Variants in ULK2 observed in about 807,000 individuals in gnomAD.
ULK2 encodes serine/threonine-protein kinase ULK2.
Under a neutral mutation model 127.5 loss-of-function variants are expected in ULK2, and 76 were observed. The ratio of observed to expected loss-of-function variants is 0.60; its 90% CI spans 0.50 to 0.72. The LOEUF is 0.72. Among genes scored for constraint, ULK2 ranks in the 30% least tolerant of loss-of-function variants. The probability of loss-of-function intolerance (pLI) is 0.00; values close to 1 mark genes in which losing one functional copy is unlikely to be tolerated. For synonymous variants in ULK2, 452 were observed against 461.9 expected (o/e 0.98, Z 0.28); for missense variants, 1,144 against 1,295.9 (o/e 0.88, Z 1.80).
At chr17:19,821,524 C>T (rs2041144768) in intron 12 of ULK2, among the ~76,000 whole-genome samples, 2 of 152,004 alleles carry the variant, frequency 1.3e-5, no homozygotes, top group South Asian at 4.2e-4. Context: ...CTGTGTATCT[C>T]AAGCCTCTGT....
intron 3 of ULK2, among the ~76,000 whole-genome samples, chr17:19,864,568 T>C (rs1034056427): frequency 1.3e-5 from 2 of 152,126 alleles, no homozygotes; most frequent in African/African-American, 4.8e-5. Context: ...CCTAAAACAA[T>C]GCTACACCTA....
intron 19 of ULK2, 114 bp from the exon 20 acceptor site, chr17:19,795,839 G>T: frequency 1.9e-6 from 2 of 1,052,060 alleles, no homozygotes; most frequent in Non-Finnish European, 1.4e-6. Flanking sequence ...ACAATTCAGG[G>T]TAGAGATAAA....
chr17:19,843,251 C>T lies in ULK2; in HGVS notation c.544-29G>A, dbSNP rs764582960. 3.5e-6 allele frequency: 5 copies of T among 1,433,026 alleles called. No individual in the cohort carries two copies. The East Asian group carries it at 7.3e-5, about 21-fold the overall frequency. The allele number at this position is 1,433,026 out of a possible 1,614,324, so 88.8% of individuals were successfully genotyped here. A position where few individuals can be genotyped will look rare whatever the true frequency, so the allele number is the denominator to read the frequency against. On this transcript the variant is annotated intron_variant, in intron 7 of 26. Coordinates refer to ENST00000395544, the MANE Select transcript of ULK2 (RefSeq NM_014683.4). ...GGAACAGAAAAATTTAAGGGGCATG[C>T]CGTACGTTATTTACATAATTAATAT...
At chr17:19,777,771 T>G (rs1261900751) in intron 25 of ULK2, 55 bp from the exon 26 acceptor site, 1 of 1,565,624 alleles carries the variant, frequency 6.4e-7, no homozygotes, top group Non-Finnish European at 8.6e-7. Flanking sequence ...AAAATACAAA[T>G]CCATTTGGGC....
intron 23 of ULK2, among the ~76,000 whole-genome samples, chr17:19,781,329 C>A (rs1413295191): frequency 6.7e-6 from 1 of 149,220 alleles, no homozygotes; most frequent in East Asian, 2.0e-4. Context: ...GCAGCCTCTA[C>A]TTCCTGGGCT....
At chr17:19,829,552 G>GGGGC (rs1187727876) in intron 10 of ULK2, among the ~76,000 whole-genome samples, 1 of 140,778 alleles carries the variant, frequency 7.1e-6, no homozygotes, top group Non-Finnish European at 1.6e-5. Flanking sequence ...AAAAAAAGGG[G>GGGGC]GGGGGCTGGG....
chr17:19,816,579 T>C (rs998059959), intron 13 of ULK2, 170 bp downstream of exon 13: 17 of 546,706 alleles, frequency 3.1e-5, no homozygotes, highest in Non-Finnish European at 4.2e-5. Context: ...AGAAGATGAT[T>C]GAGCAAATTT....
At chr17:19,864,026 G>T (rs909026551) in intron 3 of ULK2, among the ~76,000 whole-genome samples, 1 of 152,064 alleles carries the variant, frequency 6.6e-6, no homozygotes, top group Non-Finnish European at 1.5e-5. Context: ...CACTATGTAG[G>T]CCATGTGTGG....
Position 19,773,107 on chromosome 17 carries a change from T to A in ULK2, c.*3242A>T, listed in dbSNP as rs1299589517. ...GCCTGACCAACATGGTGAAACCCCA[T>A]CTCCACTAAAAATACGAAAAATAGC... On this transcript the variant is annotated 3_prime_UTR_variant, in exon 27 of 27. Coordinates refer to ENST00000395544, the MANE Select transcript of ULK2 (RefSeq NM_014683.4). The A allele has an allele frequency of 3.3e-5, 5 of 152,152 alleles. No individual in the cohort carries two copies. Among genetic ancestry groups the A allele is most frequent in the African/African-American group, 1.2e-4 (5 of 41,386 alleles). 9.4% of individuals were successfully genotyped at this position (152,152 alleles called of 1,614,324 possible).
At position 19,771,897 on chromosome 17, in the gene ULK2, G is replaced by A. The variant is rs1279420095; in HGVS notation, c.*4452C>T. 1.3e-5 allele frequency: 2 copies of A among 152,296 alleles called. No homozygotes were observed. Among genetic ancestry groups the A allele is most frequent in the Admixed American group, 1.3e-4 (2 of 15,290 alleles). 9.4% of individuals were successfully genotyped at this position (152,296 alleles called of 1,614,324 possible). A position where few individuals can be genotyped will look rare whatever the true frequency, so the allele number is the denominator to read the frequency against. Reference sequence around the variant, plus strand: ...AAGCTAACTGTCCAAGAGCACGACTGTCTTGGGACAGGAGATCATGCTGCA... The same window carrying A: ...AAGCTAACTGTCCAAGAGCACGACTATCTTGGGACAGGAGATCATGCTGCA... On this transcript the variant is annotated 3_prime_UTR_variant, in exon 27 of 27. Coordinates refer to ENST00000395544, the MANE Select transcript of ULK2 (RefSeq NM_014683.4).
chr17:19,784,587 G>A (rs1265154717), intron 21 of ULK2, among the ~76,000 whole-genome samples: 1 of 122,228 alleles, frequency 8.2e-6, no homozygotes, highest in African/African-American at 3.1e-5. Flanking sequence ...GCAGTGGCGT[G>A]ATCACAGCTC....
rs149812750 is a variant in ULK2 at position 19,835,080 on chromosome 17, C to T, written c.787+3421G>A. On this transcript the variant is annotated intron_variant, in intron 10 of 26. Transcript: ENST00000395544. ...TAAGACAACAGCACAAAGGGAAGAG[C>T]GAATGGAGCCATATTAAGGGAACAA... Among the ~76,000 whole-genome samples the T allele has an allele frequency of 5.8e-3, 879 of 151,862 alleles. 15 individuals carry two copies. Among genetic ancestry groups the T allele is most frequent in the African/African-American group, 0.018 (762 of 41,428 alleles).
chr17:19,821,399 GTTTT>G (rs1188633093), intron 12 of ULK2, among the ~76,000 whole-genome samples: 1 of 132,688 alleles, frequency 7.5e-6, no homozygotes, highest in Admixed American at 8.1e-5. Flanking sequence ...GTGATTTGGA[GTTTT>G]TTTATTGTTT....
intron 10 of ULK2, among the ~76,000 whole-genome samples, chr17:19,837,197 C>T (rs1446230672): frequency 7.2e-5 from 11 of 152,022 alleles, no homozygotes; most frequent in African/African-American, 2.2e-4. Flanking sequence ...GTGGGTAGAT[C>T]GCTTGAGCCC....
At chr17:19,837,521 G>T (rs543217711) in intron 10 of ULK2, among the ~76,000 whole-genome samples, 2 of 152,146 alleles carry the variant, frequency 1.3e-5, no homozygotes, top group Non-Finnish European at 2.9e-5. Context: ...TTCTGACATC[G>T]ACACTTAGAT....
In ULK2 at chr17:19,799,270, A is replaced by C. The variant is rs777053916; in HGVS notation, c.1522+225T>G. ...AAAATAACCAAAACTTAGCCAAGTT[A>C]TTTAATTTCTAAGACTTATTTTCAT... On this transcript the variant is annotated intron_variant, in intron 17 of 26. Coordinates refer to ENST00000395544, the MANE Select transcript of ULK2 (RefSeq NM_014683.4). 1.5e-4 allele frequency among the ~76,000 whole-genome samples: 23 copies of C among 152,128 alleles called. 1 individual carries two copies. Among genetic ancestry groups the C allele is most frequent in the Non-Finnish European group, 2.8e-4 (19 of 68,014 alleles).
chr17:19,813,960 T>TG (rs1002513426), intron 13 of ULK2, among the ~76,000 whole-genome samples: 2 of 152,074 alleles, frequency 1.3e-5, no homozygotes, highest in African/African-American at 2.4e-5. Flanking sequence ...AAACTATATG[T>TG]GGGGGGAAAG....
chr17:19,782,975 T>C (rs1756398428), intron 22 of ULK2, among the ~76,000 whole-genome samples: 1 of 152,026 alleles, frequency 6.6e-6, no homozygotes, highest in Non-Finnish European at 1.5e-5. Context: ...TTCTAGATTG[T>C]TGTTTTGAGA....
chr17:19,851,205 T>TAATCCCAG (rs958144321), intron 3 of ULK2, among the ~76,000 whole-genome samples: 1 of 146,432 alleles, frequency 6.8e-6, no homozygotes, highest in African/African-American at 2.5e-5. Flanking sequence ...CGGGCACCTG[T>TAATCCCAG]AATCCCAGCT....
Sources: gnomAD v4.1 joint callset for allele counts (sites outside exome capture counted in the v4.1 genomes callset) on GRCh38, gnomAD v4.1.1 for gene constraint, MANE v1.5 for transcripts, NCBI Gene and HGNC (gene_info 2026-07-23, HGNC 2026-07-21) for gene names.